The following CDH12 variants were observed in gnomAD, a reference collection of about 807,000 sequenced individuals.
CDH12 encodes the protein cadherin-12.
In CDH12, 41 loss-of-function variants were observed where a neutral mutation model predicts 74.1. The observed-to-expected ratio is 0.55, with a 90% CI of 0.43 to 0.72. CDH12 has a LOEUF of 0.72. CDH12 is among the 30% of genes least tolerant of loss of function. CDH12 has a pLI of 0.00. For missense variants in CDH12, 945 were observed against 977.2 expected (o/e 0.97, Z 0.44); for synonymous variants, 399 against 355.0 (o/e 1.12, Z -1.39).
At chr5:21,898,726 A>T (rs976976092) in intron 6 of CDH12, among the ~76,000 whole-genome samples, 1 of 151,970 alleles carries the variant, frequency 6.6e-6, no homozygotes, top group African/African-American at 2.4e-5. Context: ...TAAATATATA[A>T]ATAAATAAAA....
At chr5:21,778,466 C>CAAAAAAAAAAAAAAA (rs70957061) in intron 11 of CDH12, among the ~76,000 whole-genome samples, 5 of 52,614 alleles carry the variant, frequency 9.5e-5, no homozygotes, top group African/African-American at 1.7e-4. Context: ...GCATATAAGC[C>CAAAAAAAAAAAAAAA]AAAAAAAAAA....
intron 5 of CDH12, among the ~76,000 whole-genome samples, chr5:21,982,982 C>T (rs1410511178): frequency 2.0e-5 from 3 of 152,088 alleles, no homozygotes; most frequent in Non-Finnish European, 4.4e-5. Flanking sequence ...CACTACATGC[C>T]TCTCTTTGGG....
intron 1 of CDH12, among the ~76,000 whole-genome samples, chr5:22,650,006 G>T (rs1159019134): frequency 1.3e-5 from 2 of 151,922 alleles, no homozygotes; most frequent in African/African-American, 4.8e-5. Context: ...GTGCATGGGT[G>T]TCTATATAAC....
intron 4 of CDH12, among the ~76,000 whole-genome samples, chr5:22,185,002 C>G (rs1026665951): frequency 3.3e-5 from 5 of 152,042 alleles, no homozygotes; most frequent in Non-Finnish European, 7.4e-5. Context: ...CCTCCCCTCT[C>G]CCACCCTACC....
chr5:22,338,042 A>G (rs1223397394), intron 3 of CDH12, among the ~76,000 whole-genome samples: 3 of 152,208 alleles, frequency 2.0e-5, no homozygotes, highest in Non-Finnish European at 2.9e-5. Context: ...TAGAGCTACC[A>G]TATGTTCTAG....
chr5:21,918,616 AC>A (rs1422174599), intron 6 of CDH12, among the ~76,000 whole-genome samples: 1 of 152,072 alleles, frequency 6.6e-6, no homozygotes, highest in East Asian at 1.9e-4. Flanking sequence ...GGACTACAAA[AC>A]CATCAGCTCT....
chr5:22,190,346 A>ATCTGTCTGTCTG (rs554465233), intron 4 of CDH12, among the ~76,000 whole-genome samples: 3 of 148,844 alleles, frequency 2.0e-5, no homozygotes, highest in African/African-American at 7.4e-5. Context: ...TCATGCCTCC[A>ATCTGTCTGTCTG]TCTGTCTGTC....
chr5:22,467,041 T>C (rs1201665316), intron 2 of CDH12, among the ~76,000 whole-genome samples: 1 of 151,888 alleles, frequency 6.6e-6, no homozygotes, highest in Non-Finnish European at 1.5e-5. Flanking sequence ...CACCTCGGCC[T>C]CTCAAATTGC....
intron 3 of CDH12, among the ~76,000 whole-genome samples, chr5:22,268,390 G>A (rs1736229855): frequency 6.6e-6 from 1 of 152,022 alleles, no homozygotes; most frequent in East Asian, 1.9e-4. Flanking sequence ...GGAAATACTT[G>A]AAATAGCAGT....
intron 2 of CDH12, among the ~76,000 whole-genome samples, chr5:22,436,702 GA>G (rs1385634965): frequency 2.0e-5 from 3 of 151,988 alleles, no homozygotes; most frequent in Non-Finnish European, 4.4e-5. Flanking sequence ...ATGCTTTTAA[GA>G]AAAACAATAT....
intron 1 of CDH12, among the ~76,000 whole-genome samples, chr5:22,564,005 A>C (rs891287117): frequency 4.6e-5 from 7 of 152,202 alleles, no homozygotes; most frequent in Admixed American, 6.5e-5. Flanking sequence ...TTGGAGACAC[A>C]GAGCCAAAAC....
intron 7 of CDH12, among the ~76,000 whole-genome samples, chr5:21,844,349 C>CA (rs112653308): frequency 0.22 from 32,178 of 147,998 alleles, 3,600 homozygotes; most frequent in East Asian, 0.3. Context: ...ATTTCAACTC[C>CA]AAAAAAAAAA....
chr5:22,564,889 T>C (rs1739219190), intron 1 of CDH12, among the ~76,000 whole-genome samples: 2 of 152,204 alleles, frequency 1.3e-5, no homozygotes, highest in Admixed American at 1.3e-4. Flanking sequence ...ATCTCTTCTC[T>C]TGATGAAGTT....
chr5:22,199,891 C>T (rs10941940), intron 4 of CDH12, among the ~76,000 whole-genome samples: 1 of 148,798 alleles, frequency 6.7e-6, no homozygotes, highest in African/African-American at 2.4e-5. Flanking sequence ...CTTTTCCTGA[C>T]AAGCTATTTA....
intron 2 of CDH12, among the ~76,000 whole-genome samples, chr5:22,503,048 A>G (rs1736237170): frequency 6.6e-6 from 1 of 152,108 alleles, no homozygotes; most frequent in African/African-American, 2.4e-5. Flanking sequence ...CAGGAAGAAA[A>G]AAAATGCCAA....
At chr5:21,757,578 T>C (rs1407206570) in intron 13 of CDH12, among the ~76,000 whole-genome samples, 4 of 152,200 alleles carry the variant, frequency 2.6e-5, no homozygotes, top group Non-Finnish European at 5.9e-5. Flanking sequence ...TAAAAATACC[T>C]TACAAATCTA....
At chr5:22,160,067 C>T (rs573094862) in intron 4 of CDH12, among the ~76,000 whole-genome samples, 175 of 152,192 alleles carry the variant, frequency 1.1e-3, no homozygotes, top group African/African-American at 3.7e-3. Flanking sequence ...TTGCAATATA[C>T]GTTGCTCTTC....
chr5:22,735,829 T>G (rs1360736312), intron 1 of CDH12, among the ~76,000 whole-genome samples: 2 of 151,898 alleles, frequency 1.3e-5, no homozygotes, highest in African/African-American at 4.8e-5. Context: ...ATCTTGGGCT[T>G]TGGTGTATCA....
At chr5:22,400,763 G>A (rs1265434006) in intron 3 of CDH12, among the ~76,000 whole-genome samples, 4 of 152,208 alleles carry the variant, frequency 2.6e-5, no homozygotes, top group East Asian at 3.9e-4. Flanking sequence ...ACTGGGAAGC[G>A]AGTGGAGGTG....
Sources: allele counts gnomAD v4.1 joint callset (sites outside exome capture counted in the v4.1 genomes callset), GRCh38; gene constraint gnomAD v4.1.1; transcripts MANE v1.5; gene names NCBI Gene and HGNC (gene_info 2026-07-23, HGNC 2026-07-21).